The following LAMA5 variants were observed in gnomAD, a reference collection of about 807,000 sequenced individuals.
The protein encoded by LAMA5 is laminin subunit alpha 5.
LAMA5 carries 260 observed loss-of-function variants against 433.4 expected under a neutral mutation model. That is an observed-to-expected ratio of 0.60 (90% CI 0.54 to 0.66). LAMA5 has a LOEUF of 0.66. LAMA5 is among the 30% of genes least tolerant of loss of function. The probability of loss-of-function intolerance (pLI) is 0.00; values close to 1 mark genes in which losing one functional copy is unlikely to be tolerated. For missense variants in LAMA5, 5,378 were observed against 5,258.5 expected (o/e 1.02, Z -0.70); for synonymous variants, 2,620 against 2,226.6 (o/e 1.18, Z -4.97).
chr20:62,352,988 G>C (rs115647176), intron 3 of LAMA5, 146 bp downstream of exon 3: 1 of 607,064 alleles, frequency 1.6e-6, no homozygotes, highest in Non-Finnish European at 2.9e-6. Flanking sequence ...ATGAGCCTTC[G>C]GGTCCTCGTC....
chr20:62,346,560 G>A lies in LAMA5; in HGVS notation c.1228C>T (p.Pro410Ser). The A allele has an allele frequency of 1.3e-6, 2 of 1,568,468 alleles. No homozygotes were observed. The highest frequency in any genetic ancestry group is 1.7e-6 in the Non-Finnish European group (2 of 1,156,796). The change falls in exon 9 of 80, where the codon CCC becomes TCC. Residue 410 changes from proline (P) to serine (S), a missense_variant. Transcript: ENST00000252999. ...TTGVNCERCLPGFYRSPNHPL... is the reference protein window; with the variant it reads ...TTGVNCERCLSGFYRSPNHPL... ...TGGTTGGGAGAGCGGTAGAAGCCGG[G>A]CAGGCAGCGCTCACAGTTGACGCCG...
In LAMA5 at chr20:62,359,213, G is replaced by A. The variant is rs1985676450; in HGVS notation, c.450+3187C>T. The stretch of plus-strand genomic sequence containing the variant: ...CACTCCTCATCTGAGGGAGGCGGGA[G>A]GCAATGCCCTCCTCTGCTGGGGAGA... On this transcript the variant is annotated intron_variant, in intron 2 of 79. Transcript: ENST00000252999. This position sits in a 1 kb window ranked among gnomAD's most constrained non-coding sequence, Gnocchi z 4.3. Among the ~76,000 whole-genome samples the A allele has an allele frequency of 6.6e-6, 1 of 152,170 alleles. No individual in the cohort carries two copies. Among genetic ancestry groups the A allele is most frequent in the Non-Finnish European group, 1.5e-5 (1 of 68,024 alleles).
At chr20:62,313,956 C>CGAG (rs1418892284) in intron 62 of LAMA5, among the ~76,000 whole-genome samples, 154 bp from the exon 63 acceptor site, 5 of 16,820 alleles carry the variant, frequency 3.0e-4, no homozygotes, top group Admixed American at 7.6e-4. Context: ...CATGGAGAGA[C>CGAG]GGGTGGCGAG....
chr20:62,313,800 G>A lies in LAMA5; in HGVS notation c.8507C>T (p.Thr2836Ile), dbSNP rs148091161. Residue 2836 changes from threonine (T) to isoleucine (I), a missense_variant and splice_region_variant, in exon 63 of 80, where the codon ACT becomes ATT. Transcript: ENST00000252999. ...GACGGACATGTGGCCAAACTGGAGA[G>A]TCCTGAGGGCAGAGGCGAGGGGTGG... ...EQFAAVSLDR[T>I]LQFGHMSVTV... 7.4e-5 allele frequency: 120 copies of A among 1,612,588 alleles called. No individual in the cohort carries two copies. The African/African-American group carries it at 1.3e-3, about 18-fold the overall frequency.
At position 62,338,071 on chromosome 20, in the gene LAMA5, A is replaced by G. The variant is rs8124907; in HGVS notation, c.1836T>C (p.Ala612=). ...AGRCLCQPEF[A]GPHCDRCRPG... Reference sequence around the variant, plus strand: ...GGCGGCACCGGTCACAATGAGGTCCAGCAAACTCAGGCTGGCATAGGCAGC... The same window carrying G: ...GGCGGCACCGGTCACAATGAGGTCCGGCAAACTCAGGCTGGCATAGGCAGC... Residue 612 remains alanine, a synonymous_variant, in exon 14 of 80, where the codon GCT becomes GCC. Coordinates refer to ENST00000252999, the MANE Select transcript of LAMA5 (RefSeq NM_005560.6). The G allele has an allele frequency of 0.23, 366,869 of 1,601,938 alleles. 43,706 individuals are homozygous for G. The highest frequency in any genetic ancestry group is 0.34 in the African/African-American group (25,287 of 74,708).
rs774191952 is a variant in LAMA5, at chr20:62,329,938, G to C, written c.3980-22C>G. 5.0e-6 allele frequency: 8 copies of C among 1,607,372 alleles called. No homozygotes were observed. In the African/African-American group the frequency reaches 1.1e-4, roughly 21 times the overall value. On this transcript the variant is annotated intron_variant, in intron 31 of 79. Transcript: ENST00000252999. ...TGGCCTGGGCGGGGGAGAAAGGCAGGGTCAGGCCCCCATCTCTAGCGCCCC... is the reference window on the plus strand; with the variant it reads ...TGGCCTGGGCGGGGGAGAAAGGCAGCGTCAGGCCCCCATCTCTAGCGCCCC...
chr20:62,333,342 C>T (rs1281916018), intron 25 of LAMA5, 33 bp downstream of exon 25: 1 of 1,599,454 alleles, frequency 6.3e-7, no homozygotes, highest in Admixed American at 1.7e-5. Context: ...CAGGAAGCCC[C>T]CACCCCGGTC....
rs201314377 is a variant in LAMA5 at position 62,313,083 on chromosome 20, C to T, written c.8955+5G>A. The T allele has an allele frequency of 4.0e-4, 645 of 1,608,368 alleles. 6 individuals are homozygous for T. In the East Asian group the frequency reaches 0.012, roughly 30 times the overall value. ...GGGATGGCAGGACGGGTGTGCCTGG[C>T]GCACCTGCTGCTTCAGGAAGAAGAG... On this transcript the variant is annotated splice_donor_5th_base_variant and intron_variant, in intron 65 of 79. Coordinates refer to ENST00000252999, the MANE Select transcript of LAMA5 (RefSeq NM_005560.6).
intron 1 of LAMA5, among the ~76,000 whole-genome samples, chr20:62,366,229 T>C (rs115522677): frequency 0.063 from 9,597 of 152,240 alleles, 333 homozygotes; most frequent in South Asian, 0.17. Context: ...GCCTTGGTTT[T>C]CAGGTGAGGT....
At chr20:62,314,161 G>T in intron 62 of LAMA5, 143 bp downstream of exon 62, 1 of 1,111,146 alleles carries the variant, frequency 9.0e-7, no homozygotes, top group Non-Finnish European at 1.3e-6. Context: ...GACGAGGGGT[G>T]GCGAGTGGGC....
chr20:62,309,631 T>A lies in LAMA5; in HGVS notation c.10948+85A>T, dbSNP rs981830090. Reference sequence around the variant, plus strand: ...GAGGAGGGTGGGAGGGGGCAGGGGGTGGAGGGGTGGGGGGAGGGTGGTAGG... The same window carrying A: ...GAGGAGGGTGGGAGGGGGCAGGGGGAGGAGGGGTGGGGGGAGGGTGGTAGG... On this transcript the variant is annotated intron_variant, in intron 79 of 79. Coordinates refer to ENST00000252999, the MANE Select transcript of LAMA5 (RefSeq NM_005560.6). The A allele has an allele frequency of 2.5e-3, 994 of 392,950 alleles. 9 individuals carry two copies. Among genetic ancestry groups the A allele is most frequent in the African/African-American group, 0.01 (108 of 10,634 alleles). 24.3% of individuals were successfully genotyped at this position (392,950 alleles called of 1,614,324 possible).
rs1383168729 is a variant in LAMA5, at chr20:62,324,582, C to G, written c.5530-28G>C. On this transcript the variant is annotated intron_variant, in intron 41 of 79. Coordinates refer to ENST00000252999, the MANE Select transcript of LAMA5 (RefSeq NM_005560.6). The surrounding 1 kb of genome is among the most constrained non-coding windows in gnomAD (Gnocchi z 4.4). ...GAGGGTGTACGGGGGCAGGTGGCAT[C>G]AGCGATTGAGAGGACGAGGGGCCCC... 2 of 1,546,168 alleles carry G rather than the reference C, an allele frequency of 1.3e-6. No individual in the cohort carries two copies. The highest frequency in any genetic ancestry group is 1.8e-6 in the Non-Finnish European group (2 of 1,125,700).
At position 62,350,807 on chromosome 20, in the gene LAMA5, C is replaced by T. The variant is rs189442767; in HGVS notation, c.956+897G>A. Among the ~76,000 whole-genome samples the T allele has an allele frequency of 1.8e-4, 27 of 152,370 alleles. No homozygotes were observed. The East Asian group carries it at 3.5e-3, about 20-fold the overall frequency. On this transcript the variant is annotated intron_variant, in intron 6 of 79. Coordinates refer to ENST00000252999, the MANE Select transcript of LAMA5 (RefSeq NM_005560.6). Reference sequence around the variant, plus strand: ...TTGCGTGTTTCCCAGCTGCCTCCCCCGGAACAGGTGCTCCTGAGGCCGGGC... The same window carrying T: ...TTGCGTGTTTCCCAGCTGCCTCCCCTGGAACAGGTGCTCCTGAGGCCGGGC...
chr20:62,346,209 T>A lies in LAMA5; in HGVS notation c.1289A>T (p.Asn430Ile), dbSNP rs1444502545. ...GCCATCCGTGAAGTCGGACTCGCAG[T>A]TGCAGCCTGGGCAGGGGCAGGAGCC... ...LDSPHVCRRC[N>I]CESDFTDGTC... is the part of the protein sequence containing the mutation. The change falls in exon 10 of 80, where the codon AAC (asparagine) becomes ATC (isoleucine). Residue 430 changes from asparagine to isoleucine, a missense_variant. By Grantham distance (149) the Asn-to-Ile change is moderately radical. Transcript: ENST00000252999. The A allele has an allele frequency of 1.2e-5, 19 of 1,611,338 alleles. No homozygotes were observed. The highest frequency in any genetic ancestry group is 1.4e-5 in the Non-Finnish European group (17 of 1,179,394).
Position 62,324,738 on chromosome 20 carries a change from C to A in LAMA5, c.5530-184G>T, listed in dbSNP as rs2146141174. The stretch of plus-strand genomic sequence containing the variant: ...TGGCCTCGGCCGGCTGGAGGTGGGC[C>A]AGCACCTGGCTGCTGTTTGAGGACA... On this transcript the variant is annotated intron_variant, in intron 41 of 79. Transcript: ENST00000252999. The surrounding 1 kb of genome is among the most constrained non-coding windows in gnomAD (Gnocchi z 4.4). 1 of 588,298 alleles carries A rather than the reference C, an allele frequency of 1.7e-6. No individual in the cohort carries two copies. 36.4% of individuals were successfully genotyped at this position (588,298 alleles called of 1,614,324 possible).
chr20:62,346,298 CCAGCCAGGGCCATGGGGATGAGGGCTA>C, intron 9 of LAMA5, 83 bp from the exon 10 acceptor site: 1 of 1,514,474 alleles, frequency 6.6e-7, no homozygotes, highest in South Asian at 1.2e-5. Context: ...CTCTACCTCC[CCAGCCAGGGCCATGGGGATGAGGGCTA>C]CAGCCAGGCC....
At chr20:62,347,194 A>G (rs1983533117) in intron 6 of LAMA5, among the ~76,000 whole-genome samples, 166 bp from the exon 7 acceptor site, 1 of 152,188 alleles carries the variant, frequency 6.6e-6, no homozygotes, top group Non-Finnish European at 1.5e-5. Flanking sequence ...GCGCTCGCCC[A>G]GACTCAGCGT....
rs747164351 is a variant in LAMA5 at position 62,311,777 on chromosome 20, G to C, written c.9643C>G (p.Leu3215Val). 7 of 1,559,992 alleles carry C rather than the reference G, an allele frequency of 4.5e-6. No homozygotes were observed. Among genetic ancestry groups the C allele is most frequent in the Non-Finnish European group, 6.1e-6 (7 of 1,153,138 alleles). The change falls in exon 71 of 80, where the codon CTG becomes GTG. Residue 3215 changes from leucine (L) to valine (V), a missense_variant. Physicochemically the swap from Leu to Val is conservative, Grantham distance 32. Coordinates refer to ENST00000252999, the MANE Select transcript of LAMA5 (RefSeq NM_005560.6). ...AFYSNATGVW[L>V]YVDDQLQQMK... ...TGCTGGAGCTGGTCATCGACATACAGCCAGACTCTGGGGGGCGGGAGGCCG... is the reference window on the plus strand; with the variant it reads ...TGCTGGAGCTGGTCATCGACATACACCCAGACTCTGGGGGGCGGGAGGCCG...
At chr20:62,322,591 T>C in intron 46 of LAMA5, 67 bp downstream of exon 46, 2 of 1,436,690 alleles carry the variant, frequency 1.4e-6, no homozygotes, top group South Asian at 1.3e-5. Flanking sequence ...CCTATCAGAT[T>C]CTCCCCAGGC....
Sources: gnomAD v4.1 joint callset for allele counts (sites outside exome capture counted in the v4.1 genomes callset) on GRCh38, gnomAD v4.1.1 for gene constraint, Gnocchi (gnomAD v3.1) non-coding constraint, MANE v1.5 for transcripts, NCBI Gene and HGNC (gene_info 2026-07-23, HGNC 2026-07-21) for gene names.